The following FBLIM1 variants were observed in gnomAD, a reference collection of about 807,000 sequenced individuals.
FBLIM1 encodes filamin binding LIM protein 1, also known as filamin-binding LIM protein 1.
In FBLIM1, 29 loss-of-function variants were observed where a neutral mutation model predicts 37.4. The ratio of observed to expected loss-of-function variants is 0.77; its 90% confidence interval spans 0.58 to 1.06. The LOEUF is 1.06. Among genes scored for constraint, FBLIM1 ranks in the 50% least tolerant of loss-of-function variants. FBLIM1 has a pLI of 0.00. For missense variants in FBLIM1, 449 were observed against 505.6 expected, an observed-to-expected ratio of 0.89 and a Z score of 1.07; for synonymous variants, 193 against 199.0, an observed-to-expected ratio of 0.97 and a Z score of 0.25.
At chr1:15,762,638 C>T (rs548430850) in intron 1 of FBLIM1, among the ~76,000 whole-genome samples, 3 of 152,328 alleles carry the variant, frequency 2.0e-5, no homozygotes, top group Admixed American at 1.3e-4. Context: ...CTCAAGTGAT[C>T]GCCTACCTCC....
chr1:15,779,600 G>A (rs1003421088), intron 8 of FBLIM1, among the ~76,000 whole-genome samples: 2 of 152,304 alleles, frequency 1.3e-5, no homozygotes, highest in African/African-American at 4.8e-5. Flanking sequence ...ACTGCACCCG[G>A]CCAGAAGTGG....
chr1:15,760,296 G>T (rs2068605793), intron 1 of FBLIM1, among the ~76,000 whole-genome samples: 1 of 152,042 alleles, frequency 6.6e-6, no homozygotes, highest in South Asian at 2.1e-4. Context: ...CTGGGAGGCC[G>T]AGGAGGGCGG....
chr1:15,765,049 C>T lies in FBLIM1; in HGVS notation c.66C>T (p.Arg22=), dbSNP rs1229372791. The T allele has an allele frequency of 1.1e-5, 17 of 1,613,978 alleles. No homozygotes were observed. Among genetic ancestry groups the T allele is most frequent in the African/African-American group, 2.7e-5 (2 of 74,928 alleles). ...SVFITLAPPR[R]DVAVAEEVRQ... is the part of the protein sequence containing the mutation. Reference sequence around the variant, plus strand: ...TTATCACCCTGGCACCCCCGCGCCGCGATGTGGCCGTGGCGGAGGAAGTGA... The same window carrying T: ...TTATCACCCTGGCACCCCCGCGCCGTGATGTGGCCGTGGCGGAGGAAGTGA... The change falls in exon 3 of 9, where the codon CGC becomes CGT. Residue 22 remains arginine (R), a synonymous_variant. Coordinates refer to ENST00000375766, the MANE Select transcript of FBLIM1 (RefSeq NM_017556.4). This position sits in a 1 kb window ranked among gnomAD's most constrained non-coding sequence, Gnocchi z 5.9.
Position 15,767,444 on chromosome 1 carries a change from CCT to C in FBLIM1, c.321_322del (p.Pro108ThrfsTer10). 1 of 1,562,488 alleles carries C rather than the reference CCT, an allele frequency of 6.4e-7. No homozygotes were observed. The highest frequency in any genetic ancestry group is 8.7e-7 in the Non-Finnish European group (1 of 1,146,764). On this transcript the variant is annotated frameshift_variant, in exon 4 of 9. Coordinates refer to ENST00000375766, the MANE Select transcript of FBLIM1 (RefSeq NM_017556.4). LOFTEE classifies it high-confidence loss of function. Reference protein sequence around the residue: ...VLPDLDLLPPPPPPPPVLLPS... With the variant: ...VLPDLDLLPPXPPPPPVLLPS... ...TCCTGACCTGGACCTCCTCCCACCC[CCT>C]CCACCGCCCCCTCCAGTGCTTCTGC...
upstream of FBLIM1, chr1:15,758,056 A>ACTGGGGGTCT (rs1395263302): frequency 1.3e-5 from 2 of 152,220 alleles, no homozygotes; most frequent in African/African-American, 2.4e-5. The surrounding 1 kb of genome is among the most constrained non-coding windows in gnomAD (Gnocchi z 6.2). Context: ...GACCTGCTCC[A>ACTGGGGGTCT]CTGGGGGTCT....
At chr1:15,769,855 G>A (rs896674604) in intron 5 of FBLIM1, among the ~76,000 whole-genome samples, 5 of 151,480 alleles carry the variant, frequency 3.3e-5, no homozygotes, top group Non-Finnish European at 5.9e-5. Context: ...AGATGGTCTC[G>A]ATCTCTTGAC....
chr1:15,784,904 A>C lies in FBLIM1; in HGVS notation c.*243A>C. 1 of 384,334 alleles carries C rather than the reference A, an allele frequency of 2.6e-6. No homozygotes were observed. The highest frequency in any genetic ancestry group is 4.7e-6 in the Non-Finnish European group (1 of 211,370). 23.8% of individuals were successfully genotyped at this position (384,334 alleles called of 1,614,324 possible). ...GCTTCACCCCCAGAATTCCCTGCTG[A>C]CCCTGCCCCACTTCCAGGGAAAAGC... is the stretch of plus-strand genomic sequence containing the variant. On this transcript the variant is annotated 3_prime_UTR_variant, in exon 9 of 9. Coordinates refer to ENST00000375766, the MANE Select transcript of FBLIM1 (RefSeq NM_017556.4).
chr1:15,769,402 A>G (rs555540477), intron 5 of FBLIM1, among the ~76,000 whole-genome samples: 50 of 151,978 alleles, frequency 3.3e-4, no homozygotes, highest in African/African-American at 1.1e-3. Context: ...TCTTGAACCC[A>G]GGAGGCGGAG....
chr1:15,777,177 GC>G lies in FBLIM1; in HGVS notation c.903del (p.Val302SerfsTer53), dbSNP rs904186079. ...GGGTTCCTTTGCTTCTAGGAAATTC[GC>G]CCCCGTCTGCAGCATCTGTGAAAAT... ...YCLDDFYRKF[A>X]PVCSICENPI... On this transcript the variant is annotated frameshift_variant, in exon 8 of 9. Transcript: ENST00000375766. LOFTEE classifies it high-confidence loss of function. 8 of 1,598,064 alleles carry G rather than the reference GC, an allele frequency of 5.0e-6. No homozygotes were observed. In the African/African-American group the frequency reaches 9.4e-5, roughly 19 times the overall value.
chr1:15,781,492 G>T (rs1422689284), intron 8 of FBLIM1, among the ~76,000 whole-genome samples: 2 of 142,048 alleles, frequency 1.4e-5, no homozygotes, highest in Non-Finnish European at 3.0e-5. Flanking sequence ...TAATCCTCCA[G>T]CCTGGGCAAC....
At chr1:15,768,384 T>G (rs1223931030) in intron 4 of FBLIM1, 144 bp from the exon 5 acceptor site, 1 of 523,522 alleles carries the variant, frequency 1.9e-6, no homozygotes, top group African/African-American at 2.0e-5. Context: ...CTGAGAGACT[T>G]ACGCAGGTCC....
chr1:15,769,681 G>T (rs1315655566), intron 5 of FBLIM1, among the ~76,000 whole-genome samples: 3 of 151,658 alleles, frequency 2.0e-5, no homozygotes, highest in Non-Finnish European at 1.5e-5. Flanking sequence ...TCTGTCACCA[G>T]GCTAGAGTGC....
chr1:15,760,531 G>GAAAAAAAA (rs34356141), intron 1 of FBLIM1, among the ~76,000 whole-genome samples: 3 of 97,628 alleles, frequency 3.1e-5, no homozygotes, highest in South Asian at 3.7e-4. Flanking sequence ...TTCTGTCTCA[G>GAAAAAAAA]AAAAAAAAAA....
chr1:15,775,316 C>G (rs1323579546), intron 7 of FBLIM1: 1 of 157,008 alleles, frequency 6.4e-6, no homozygotes, highest in Non-Finnish European at 1.4e-5. Flanking sequence ...GTGGGCAGAT[C>G]ATGAGGTCAG....
At chr1:15,766,102 C>CT (rs2068905875) in intron 3 of FBLIM1, among the ~76,000 whole-genome samples, 1 of 151,302 alleles carries the variant, frequency 6.6e-6, no homozygotes, top group African/African-American at 2.5e-5. Flanking sequence ...TGAGAATTTG[C>CT]ATTTTTTTTT....
intron 6 of FBLIM1, 130 bp downstream of exon 6, chr1:15,770,708 A>G: frequency 8.7e-7 from 1 of 1,145,612 alleles, no homozygotes; most frequent in Non-Finnish European, 1.2e-6. Context: ...GAGGAAACTG[A>G]GGCTCAGAAA....
At position 15,784,721 on chromosome 1, in the gene FBLIM1, G is replaced by A; in HGVS notation, c.*60G>A. 2.0e-6 allele frequency: 3 copies of A among 1,489,932 alleles called. No homozygotes were observed. Among genetic ancestry groups the A allele is most frequent in the South Asian group, 2.3e-5 (2 of 87,936 alleles). 92.3% of individuals were successfully genotyped at this position (1,489,932 alleles called of 1,614,324 possible). A position where few individuals can be genotyped will look rare whatever the true frequency, so the allele number is the denominator to read the frequency against. On this transcript the variant is annotated 3_prime_UTR_variant, in exon 9 of 9. Coordinates refer to ENST00000375766, the MANE Select transcript of FBLIM1 (RefSeq NM_017556.4). ...CCGGCTGGGGCCCTTCCCTGACTTG[G>A]TTTCCCTTCCTAACCTGCTCTTGCA... is the stretch of plus-strand genomic sequence containing the variant.
At chr1:15,777,788 G>A (rs912882893) in intron 8 of FBLIM1, among the ~76,000 whole-genome samples, 2 of 152,034 alleles carry the variant, frequency 1.3e-5, no homozygotes, top group African/African-American at 4.8e-5. Flanking sequence ...GGCCAGGCTG[G>A]TCTGGAACTC....
intron 8 of FBLIM1, among the ~76,000 whole-genome samples, chr1:15,781,517 T>A (rs1569875284): frequency 2.1e-5 from 1 of 47,616 alleles, no homozygotes. Context: ...CAAGACTCTG[T>A]CTCAAAAAAA....
Sources: allele counts gnomAD v4.1 joint callset (sites outside exome capture counted in the v4.1 genomes callset), GRCh38; gene constraint gnomAD v4.1.1; non-coding constraint Gnocchi (gnomAD v3.1); transcripts MANE v1.5; gene names NCBI Gene and HGNC (gene_info 2026-07-23, HGNC 2026-07-21).